WDR43: variants seen among roughly 807,000 people sequenced by gnomAD.
WDR43 encodes the protein WD repeat-containing protein 43.
WDR43 carries 13 observed loss-of-function variants against 91.4 expected under a neutral mutation model. The observed-to-expected ratio is 0.14, with a 90% CI of 0.09 to 0.23. The LOEUF (loss-of-function observed/expected upper bound fraction) is 0.23, where lower values mean the gene tolerates loss of function less well. Among genes scored for constraint, WDR43 ranks in the 10% least tolerant of loss-of-function variants. The pLI is 1.00. For synonymous variants in WDR43, 331 were observed against 287.9 expected, an observed-to-expected ratio of 1.15 and a Z score of -1.51; for missense variants, 780 against 809.4, an observed-to-expected ratio of 0.96 and a Z score of 0.44.
At chr2:28,941,614 A>G (rs1671438660) in intron 15 of WDR43, 40 bp downstream of exon 15, 2 of 1,429,608 alleles carry the variant, frequency 1.4e-6, no homozygotes, top group South Asian at 1.2e-5. Context: ...ACTTTTGGAC[A>G]TGGTAGGAAT....
rs1670439276 is a variant in WDR43 at position 28,894,773 on chromosome 2, C to G, written c.75C>G (p.Ser25Arg). ...TCCCTTGCGCCTTCTCCCCGCACAG[C>G]CAGGCCTACTTCGCTTTGGCCTCTA... ...AGVPCAFSPH[S>R]QAYFALASTD... The change falls in exon 1 of 18, where the codon AGC becomes AGG. Residue 25 changes from serine to arginine, a missense_variant. Ser to Arg is a moderately radical substitution (Grantham distance 110). This residue lies in a region of WDR43 where 175 missense variants were observed against 113.8 expected (regional missense o/e 1.54). Coordinates refer to ENST00000407426, the MANE Select transcript of WDR43 (RefSeq NM_015131.3). 2 of 1,606,408 alleles carry G rather than the reference C, an allele frequency of 1.2e-6. No individual in the cohort carries two copies. Among genetic ancestry groups the G allele is most frequent in the East Asian group, 4.5e-5 (2 of 44,608 alleles).
chr2:28,901,220 C>T (rs1349322239), intron 1 of WDR43, among the ~76,000 whole-genome samples: 1 of 152,186 alleles, frequency 6.6e-6, no homozygotes, highest in Non-Finnish European at 1.5e-5. Context: ...GTTCTGAAAT[C>T]ATAATAAATA....
chr2:28,936,831 T>G (rs1671345455), intron 12 of WDR43, 91 bp from the exon 13 acceptor site: 5 of 1,171,864 alleles, frequency 4.3e-6, no homozygotes, highest in Non-Finnish European at 6.2e-6. Flanking sequence ...ATTAGAATAA[T>G]AATTTCTCAA....
intron 15 of WDR43, 81 bp downstream of exon 15, chr2:28,941,655 G>GA: frequency 2.7e-6 from 3 of 1,113,946 alleles, no homozygotes; most frequent in Non-Finnish European, 3.9e-6. Context: ...TTTTGAGACA[G>GA]GGTCTTGCTC....
intron 13 of WDR43, 116 bp downstream of exon 13, chr2:28,937,069 C>A: frequency 1.1e-6 from 1 of 940,902 alleles, no homozygotes; most frequent in Non-Finnish European, 1.6e-6. Context: ...TAACCCCTCG[C>A]CACCTCCCTT....
intron 14 of WDR43, among the ~76,000 whole-genome samples, chr2:28,940,563 G>C (rs939461213): frequency 1.6e-4 from 24 of 152,192 alleles, no homozygotes; most frequent in African/African-American, 5.8e-4. Flanking sequence ...GAGATGGGAG[G>C]AAAATTAACC....
chr2:28,946,630 G>C lies in WDR43; in HGVS notation c.1885G>C (p.Glu629Gln). 6.4e-7 allele frequency: 1 copy of C among 1,556,868 alleles called. No homozygotes were observed. Among genetic ancestry groups the C allele is most frequent in the Non-Finnish European group, 8.7e-7 (1 of 1,149,648 alleles). Residue 629 changes from glutamate to glutamine, a missense_variant, in exon 18 of 18, where the codon GAA (glutamate) becomes CAA (glutamine). Glu to Gln is a conservative substitution (Grantham distance 29). This residue lies in a region of WDR43 where 426 missense variants were observed against 467.8 expected (regional missense o/e 0.91). Transcript: ENST00000407426. ...TTGGGATGAAGATGAGGAGGAGAGT[G>C]AAAGTGAAAAAGATGAGGACGTTGA... The part of the protein sequence containing the change: ...DNWDEDEEES[E>Q]SEKDEDVEEE...
rs113957057 is a variant in WDR43, at chr2:28,934,670, A to T, written c.1438-851A>T. Among the ~76,000 whole-genome samples, 39 of 152,304 alleles carry T rather than the reference A, an allele frequency of 2.6e-4. 1 individual carries two copies. The highest frequency in any genetic ancestry group is 9.4e-4 in the African/African-American group (39 of 41,562). On this transcript the variant is annotated intron_variant, in intron 11 of 17. Coordinates refer to ENST00000407426, the MANE Select transcript of WDR43 (RefSeq NM_015131.3). ...GAGGTCAAAGCTGCAGTGAGCTGTG[A>T]TCATGTCAGTGCACTCCAGCCCAGA... is the stretch of plus-strand genomic sequence containing the variant.
chr2:28,935,451 C>CTTT, intron 11 of WDR43, 70 bp from the exon 12 acceptor site: 4 of 1,043,730 alleles, frequency 3.8e-6, no homozygotes, highest in South Asian at 1.6e-5. Flanking sequence ...TTTTTACAGA[C>CTTT]TTTTTTTTTT....
intron 16 of WDR43, among the ~76,000 whole-genome samples, chr2:28,942,756 C>T (rs1039581948): frequency 6.6e-6 from 1 of 151,664 alleles, no homozygotes; most frequent in African/African-American, 2.4e-5. Flanking sequence ...GCTGGGACTA[C>T]AGGCGTGCAC....
At chr2:28,916,781 AT>A (rs1261231887) in intron 5 of WDR43, among the ~76,000 whole-genome samples, 2 of 151,782 alleles carry the variant, frequency 1.3e-5, no homozygotes, top group Admixed American at 6.6e-5. Flanking sequence ...CAGTTGTAAC[AT>A]TTTTTTCATC....
chr2:28,920,224 C>CATT (rs1553327663), intron 6 of WDR43, among the ~76,000 whole-genome samples: 1 of 108,072 alleles, frequency 9.3e-6, no homozygotes, highest in Non-Finnish European at 1.8e-5. Flanking sequence ...TTTTTTCTTT[C>CATT]TTTTTTTTTT....
At chr2:28,912,202 A>G (rs1009285832) in intron 3 of WDR43, among the ~76,000 whole-genome samples, 5 of 152,202 alleles carry the variant, frequency 3.3e-5, no homozygotes, top group Non-Finnish European at 7.3e-5. Context: ...GAATTGAGGT[A>G]GGGTTAGGAT....
At chr2:28,907,286 A>T (rs930503032) in intron 3 of WDR43, among the ~76,000 whole-genome samples, 2 of 152,086 alleles carry the variant, frequency 1.3e-5, no homozygotes, top group Admixed American at 6.5e-5. Context: ...TGCTCTTTTT[A>T]GTTCTGGTAC....
intron 3 of WDR43, among the ~76,000 whole-genome samples, chr2:28,910,500 A>C (rs1055026363): frequency 2.0e-5 from 3 of 151,960 alleles, no homozygotes; most frequent in Admixed American, 1.3e-4. Flanking sequence ...TATTTTTCCT[A>C]TGAATTGCCT....
chr2:28,923,190 AT>A (rs764236863), intron 7 of WDR43, among the ~76,000 whole-genome samples: 7 of 152,232 alleles, frequency 4.6e-5, no homozygotes, highest in Non-Finnish European at 7.3e-5. Flanking sequence ...TTGGCTTTTT[AT>A]GATGTATCCT....
At chr2:28,945,135 G>T (rs1267441452) in intron 16 of WDR43, among the ~76,000 whole-genome samples, 1 of 152,166 alleles carries the variant, frequency 6.6e-6, no homozygotes, top group Non-Finnish European at 1.5e-5. Context: ...TTCTTTTGGG[G>T]AATGGGCTTA....
intron 11 of WDR43, among the ~76,000 whole-genome samples, chr2:28,934,785 T>A (rs972553701): frequency 6.6e-5 from 10 of 152,172 alleles, no homozygotes; most frequent in African/African-American, 2.4e-4. Context: ...CACTGCTGTT[T>A]CTATTCTGAG....
intron 6 of WDR43, among the ~76,000 whole-genome samples, chr2:28,918,296 A>G (rs1280178777): frequency 6.6e-6 from 1 of 151,864 alleles, no homozygotes; most frequent in Non-Finnish European, 1.5e-5. Flanking sequence ...ATCAGATGAA[A>G]TTGTTGGTGA....
Sources: gnomAD v4.1 joint callset for allele counts (sites outside exome capture counted in the v4.1 genomes callset) on GRCh38, gnomAD v4.1.1 for gene constraint, gnomAD v4.1.1 regional missense constraint, MANE v1.5 for transcripts, NCBI Gene and HGNC (gene_info 2026-07-23, HGNC 2026-07-21) for gene names.